ADAM29: variants seen among roughly 807,000 people sequenced by gnomAD.
ADAM29 encodes disintegrin and metalloproteinase domain-containing protein 29.
For synonymous variants in ADAM29, 367 were observed against 342.3 expected (o/e 1.07, Z -0.80); for missense variants, 969 against 1,001.8 (o/e 0.97, Z 0.44).
At chr4:174,942,449 C>G (rs897497975) in intron 4 of ADAM29, among the ~76,000 whole-genome samples, 2 of 152,142 alleles carry the variant, frequency 1.3e-5, no homozygotes, top group Admixed American at 6.5e-5. Context: ...AAGTTCAACT[C>G]TTGTCTTCTG....
chr4:174,958,483 A>G (rs1745632127), intron 4 of ADAM29, among the ~76,000 whole-genome samples: 1 of 151,664 alleles, frequency 6.6e-6, no homozygotes, highest in African/African-American at 2.4e-5. Flanking sequence ...TTGATTAGTG[A>G]TAGTATACTA....
intron 4 of ADAM29, among the ~76,000 whole-genome samples, chr4:174,968,911 T>A (rs1579077203): frequency 6.6e-6 from 1 of 152,202 alleles, no homozygotes; most frequent in East Asian, 1.9e-4. Context: ...ACCTTGAATT[T>A]TATGAAATTC....
chr4:174,964,196 G>C (rs1199995697), intron 4 of ADAM29, among the ~76,000 whole-genome samples: 1 of 151,970 alleles, frequency 6.6e-6, no homozygotes, highest in Non-Finnish European at 1.5e-5. Context: ...ATTAACTGAA[G>C]TAATTAGGGT....
At chr4:174,969,507 C>T (rs1746348494) in intron 4 of ADAM29, among the ~76,000 whole-genome samples, 1 of 151,518 alleles carries the variant, frequency 6.6e-6, no homozygotes, top group South Asian at 2.1e-4. Flanking sequence ...ATACAAGTAA[C>T]AATTAAACTC....
chr4:174,954,967 G>A (rs1375485756), intron 4 of ADAM29, among the ~76,000 whole-genome samples: 2 of 152,022 alleles, frequency 1.3e-5, no homozygotes, highest in Non-Finnish European at 2.9e-5. Context: ...CAGTAGAGAT[G>A]CATTTTCTAT....
At chr4:174,925,680 G>T (rs980242211) in intron 2 of ADAM29, among the ~76,000 whole-genome samples, 2 of 151,904 alleles carry the variant, frequency 1.3e-5, no homozygotes, top group African/African-American at 4.9e-5. Context: ...AAATTAAAAT[G>T]CCAGGAGAAG....
intron 4 of ADAM29, among the ~76,000 whole-genome samples, chr4:174,967,462 T>C (rs2111086863): frequency 6.6e-6 from 1 of 152,312 alleles, no homozygotes; most frequent in East Asian, 1.9e-4. Context: ...TTTGTTAAGT[T>C]GCTCACAAAG....
Position 174,977,529 on chromosome 4 carries a change from T to G in ADAM29, c.2004T>G (p.Pro668=). Residue 668 remains proline, a synonymous_variant, in exon 5 of 5, where the codon CCT becomes CCG. Transcript: ENST00000359240. ...GTAGTGTTGACAGTGGCCCACCCCC[T>G]AAGAGAAAGAAGAAAAAGAAGTTCT... ...YGGSVDSGPP[P]KRKKKKKFCY... is the part of the protein sequence containing the mutation. 1 of 1,614,160 alleles carries G rather than the reference T, an allele frequency of 6.2e-7. No individual in the cohort carries two copies. Among genetic ancestry groups the G allele is most frequent in the Non-Finnish European group, 8.5e-7 (1 of 1,180,024 alleles).
At chr4:174,951,437 T>C (rs1385393477) in intron 4 of ADAM29, among the ~76,000 whole-genome samples, 3 of 152,244 alleles carry the variant, frequency 2.0e-5, no homozygotes, top group Non-Finnish European at 4.4e-5. Flanking sequence ...GAAATTCCTA[T>C]GTATCTTTCA....
At chr4:174,974,220 C>T (rs570548518) in intron 4 of ADAM29, among the ~76,000 whole-genome samples, 5 of 152,266 alleles carry the variant, frequency 3.3e-5, no homozygotes, top group South Asian at 4.1e-4. Flanking sequence ...ATGTCTTTGC[C>T]GAGCTTTTCC....
chr4:174,936,449 T>C (rs1744206315), intron 3 of ADAM29, among the ~76,000 whole-genome samples: 1 of 152,006 alleles, frequency 6.6e-6, no homozygotes, highest in Non-Finnish European at 1.5e-5. Context: ...TAGCAGAATA[T>C]ACCATTTCCT....
intron 4 of ADAM29, among the ~76,000 whole-genome samples, chr4:174,955,500 A>T (rs930627039): frequency 3.9e-5 from 6 of 152,072 alleles, no homozygotes. Context: ...ATCAACAAAC[A>T]ATTGTTCTGC....
chr4:174,920,360 T>A (rs933161927), intron 1 of ADAM29, among the ~76,000 whole-genome samples: 2 of 152,178 alleles, frequency 1.3e-5, no homozygotes, highest in Non-Finnish European at 2.9e-5. Context: ...CTTTCTAAAA[T>A]TGAATTACTT....
At chr4:174,940,724 A>G (rs1262759617) in intron 4 of ADAM29, among the ~76,000 whole-genome samples, 1 of 152,188 alleles carries the variant, frequency 6.6e-6, no homozygotes, top group Non-Finnish European at 1.5e-5. Flanking sequence ...CAGGGCTTAT[A>G]AGACCTATTT....
intron 4 of ADAM29, among the ~76,000 whole-genome samples, chr4:174,961,590 A>C (rs1246908137): frequency 6.6e-6 from 1 of 152,258 alleles, no homozygotes; most frequent in East Asian, 1.9e-4. Flanking sequence ...AGAAATATTT[A>C]AAAATCATTT....
intron 4 of ADAM29, among the ~76,000 whole-genome samples, chr4:174,952,223 C>T (rs1294415928): frequency 1.3e-5 from 2 of 151,894 alleles, no homozygotes; most frequent in African/African-American, 2.4e-5. Context: ...CATGAGGGCT[C>T]TCCGCGGATT....
intron 4 of ADAM29, among the ~76,000 whole-genome samples, chr4:174,948,761 G>A (rs761087340): frequency 2.0e-5 from 3 of 152,164 alleles, no homozygotes; most frequent in Non-Finnish European, 4.4e-5. Flanking sequence ...TAGTGGCAGT[G>A]GTGATGGGGG....
Position 174,956,475 on chromosome 4 carries a change from GGTGT to G in ADAM29, c.-180-18856_-180-18853del, listed in dbSNP as rs749723638. 9.2e-5 allele frequency among the ~76,000 whole-genome samples: 13 copies of G among 140,814 alleles called. No individual in the cohort carries two copies. In the East Asian group the frequency reaches 1.4e-3, roughly 16 times the overall value. 92.4% of individuals were successfully genotyped at this position (140,814 alleles called of 152,430 possible). A position where few individuals can be genotyped will look rare whatever the true frequency, so the allele number is the denominator to read the frequency against. On this transcript the variant is annotated intron_variant, in intron 4 of 4. Coordinates refer to ENST00000359240, the MANE Select transcript of ADAM29 (RefSeq NM_014269.4). ...TCTTCAAATTCCTGTTTTAAAAAAA[GGTGT>G]GTGTGTGTGTGTGTCTGTGTGTGTG... is the stretch of plus-strand genomic sequence containing the variant.
intron 4 of ADAM29, among the ~76,000 whole-genome samples, chr4:174,956,589 T>G (rs1181524318): frequency 3.3e-5 from 5 of 151,760 alleles, no homozygotes; most frequent in African/African-American, 9.7e-5. Flanking sequence ...GGCTTTGTGC[T>G]CAGTATAGTC....
Sources: gnomAD v4.1 joint callset for allele counts (sites outside exome capture counted in the v4.1 genomes callset) on GRCh38, gnomAD v4.1.1 for gene constraint, MANE v1.5 for transcripts, NCBI Gene and HGNC (gene_info 2026-07-23, HGNC 2026-07-21) for gene names.